Variants in TFDP2 observed in about 807,000 individuals in gnomAD.
TFDP2 encodes transcription factor Dp-2, also known as transcription factor Dp-2 (E2F dimerization partner 2).
TFDP2 carries 17 observed loss-of-function variants against 59.3 expected under a neutral mutation model. The observed-to-expected ratio is 0.29, with a 90% CI of 0.20 to 0.43. The LOEUF (loss-of-function observed/expected upper bound fraction) is 0.43. TFDP2 is among the 20% of genes least tolerant of loss of function. TFDP2 has a pLI of 1.00. For synonymous variants in TFDP2, 180 were observed against 194.7 expected, an observed-to-expected ratio of 0.92 and a Z score of 0.63; for missense variants, 391 against 528.8, an observed-to-expected ratio of 0.74 and a Z score of 2.56.
rs114840650 is a variant in TFDP2, at chr3:142,022,081, T to C, written c.83-16537A>G. The stretch of plus-strand genomic sequence containing the variant: ...TTTCCTAGTTTTGAAATGTATCTTC[T>C]GATTAATAATTGAGGAAGTTTACTG... On this transcript the variant is annotated intron_variant, in intron 3 of 12. Coordinates refer to ENST00000489671, the MANE Select transcript of TFDP2 (RefSeq NM_001178139.2). Among the ~76,000 whole-genome samples, 1,225 of 152,346 alleles carry C rather than the reference T, an allele frequency of 8.0e-3. 17 individuals carry two copies. The highest frequency in any genetic ancestry group is 0.028 in the African/African-American group (1,174 of 41,568).
chr3:142,129,799 G>C (rs902532540), intron 1 of TFDP2, among the ~76,000 whole-genome samples: 8 of 151,838 alleles, frequency 5.3e-5, no homozygotes, highest in Non-Finnish European at 1.2e-4. Flanking sequence ...CTAGGCAAAG[G>C]ATTTAAATTT....
chr3:142,127,372 T>A (rs1374395670), intron 1 of TFDP2, among the ~76,000 whole-genome samples: 1 of 146,686 alleles, frequency 6.8e-6, no homozygotes, highest in Non-Finnish European at 1.5e-5. Flanking sequence ...AGTGGCAAGA[T>A]CTCGGTTTAC....
chr3:142,038,111 G>A (rs568128531), intron 3 of TFDP2, among the ~76,000 whole-genome samples: 85 of 152,292 alleles, frequency 5.6e-4, no homozygotes, highest in African/African-American at 1.8e-3. Context: ...AGGGCCAGGC[G>A]CAGTGGCACA....
chr3:141,953,789 C>G (rs1936218405), intron 11 of TFDP2, among the ~76,000 whole-genome samples: 2 of 115,160 alleles, frequency 1.7e-5, no homozygotes, highest in South Asian at 3.6e-4. Flanking sequence ...CCCCTCCCCC[C>G]ACCCCACAAC....
Position 142,064,834 on chromosome 3 carries a change from AC to A in TFDP2, c.82+28226del, listed in dbSNP as rs550639051. 1.7e-4 allele frequency among the ~76,000 whole-genome samples: 26 copies of A among 152,368 alleles called. No homozygotes were observed. The East Asian group carries it at 5.0e-3, about 29-fold the overall frequency. ...ACAATATATGTTGCAAAAGTAGTTA[AC>A]AGGAAGATAAAAGATGTGGTAACCT... On this transcript the variant is annotated intron_variant, in intron 3 of 12. Transcript: ENST00000489671.
At chr3:142,053,195 T>C (rs1019031643) in intron 3 of TFDP2, among the ~76,000 whole-genome samples, 2 of 152,162 alleles carry the variant, frequency 1.3e-5, no homozygotes, top group Non-Finnish European at 2.9e-5. Flanking sequence ...TAGATGTTTG[T>C]CCGCTCCAAA....
chr3:142,040,976 T>G (rs1038526209), intron 3 of TFDP2, among the ~76,000 whole-genome samples: 3 of 152,198 alleles, frequency 2.0e-5, no homozygotes, highest in African/African-American at 7.2e-5. Flanking sequence ...ATTTGATAAT[T>G]TCCTGGACTC....
At chr3:142,087,955 T>C (rs2060858942) in intron 3 of TFDP2, among the ~76,000 whole-genome samples, 1 of 152,310 alleles carries the variant, frequency 6.6e-6, no homozygotes, top group Non-Finnish European at 1.5e-5. Flanking sequence ...ACCCACCCCA[T>C]CTAAAGCTGA....
chr3:142,112,132 T>C (rs1354850433), intron 1 of TFDP2, among the ~76,000 whole-genome samples: 5 of 152,118 alleles, frequency 3.3e-5, no homozygotes, highest in Non-Finnish European at 7.4e-5. Context: ...AGCTACAGCA[T>C]CTGAACCAAA....
At chr3:142,079,055 GAAGA>G (rs1367122130) in intron 3 of TFDP2, among the ~76,000 whole-genome samples, 2 of 151,970 alleles carry the variant, frequency 1.3e-5, no homozygotes, top group East Asian at 1.9e-4. Flanking sequence ...TGATCAAGCA[GAAGA>G]AAGAATCAGT....
chr3:142,040,929 G>C (rs934196357), intron 3 of TFDP2, among the ~76,000 whole-genome samples: 1 of 152,082 alleles, frequency 6.6e-6, no homozygotes, highest in African/African-American at 2.4e-5. Context: ...AGACTCTAAA[G>C]CAACCACTAA....
At chr3:142,051,444 C>T (rs1172381047) in intron 3 of TFDP2, among the ~76,000 whole-genome samples, 6 of 151,308 alleles carry the variant, frequency 4.0e-5, no homozygotes, top group African/African-American at 9.7e-5. Flanking sequence ...GAGGCTGAAG[C>T]GGGAGAATTG....
At chr3:142,135,390 GTTTAA>G (rs2062686280) in intron 1 of TFDP2, among the ~76,000 whole-genome samples, 1 of 151,914 alleles carries the variant, frequency 6.6e-6, no homozygotes. Flanking sequence ...GCCTACATAT[GTTTAA>G]TTTCTTTTTT....
intron 5 of TFDP2, 126 bp downstream of exon 5, chr3:141,994,894 G>T: frequency 4.0e-6 from 3 of 752,832 alleles, no homozygotes; most frequent in Non-Finnish European, 5.9e-6. Flanking sequence ...TAAAATAGGT[G>T]ATTTTAAAGG....
At chr3:142,081,512 C>T (rs766835361) in intron 3 of TFDP2, among the ~76,000 whole-genome samples, 1 of 151,852 alleles carries the variant, frequency 6.6e-6, no homozygotes, top group Non-Finnish European at 1.5e-5. Context: ...CAAATTGAAA[C>T]ACAGGAAACA....
rs761895273 is a variant in TFDP2 at position 141,993,577 on chromosome 3, T to C, written c.317A>G (p.Lys106Arg). Residue 106 changes from lysine to arginine, a missense_variant, in exon 6 of 13, where the codon AAA (lysine) becomes AGA (arginine). By Grantham distance (26) the Lys-to-Arg change is conservative (BLOSUM62 2). Coordinates refer to ENST00000489671, the MANE Select transcript of TFDP2 (RefSeq NM_001178139.2). ...AGAGTCTATAAATTTTCTAGCCCGT[T>C]TTCTATCACTAAAAAGGAAAAAAGA... ...EATGWVPGDR[K>R]RARKFIDSDF... The C allele has an allele frequency of 3.2e-6, 5 of 1,565,246 alleles. No homozygotes were observed. The highest frequency in any genetic ancestry group is 3.5e-6 in the Non-Finnish European group (4 of 1,144,080).
intron 3 of TFDP2, among the ~76,000 whole-genome samples, chr3:142,009,112 G>A (rs1198953722): frequency 6.6e-6 from 1 of 151,894 alleles, no homozygotes; most frequent in Non-Finnish European, 1.5e-5. Flanking sequence ...ATTATAAATG[G>A]GCTACGTCTC....
intron 3 of TFDP2, chr3:142,043,989 C>G: frequency 2.8e-6 from 2 of 708,804 alleles, no homozygotes; most frequent in Non-Finnish European, 2.6e-6. Context: ...TGCCTTCCGG[C>G]GGGCCAAGGT....
At chr3:142,062,935 A>C (rs924319965) in intron 3 of TFDP2, among the ~76,000 whole-genome samples, 5 of 152,296 alleles carry the variant, frequency 3.3e-5, no homozygotes, top group Middle Eastern at 3.4e-3. Context: ...AGGAGAAAAT[A>C]ATCTGTGCTT....
Sources: allele counts gnomAD v4.1 joint callset (sites outside exome capture counted in the v4.1 genomes callset), GRCh38; gene constraint gnomAD v4.1.1; transcripts MANE v1.5; gene names NCBI Gene and HGNC (gene_info 2026-07-23, HGNC 2026-07-21).